The following SMYD3 variants were observed in gnomAD, a reference collection of about 807,000 sequenced individuals.
SMYD3 encodes the protein SET and MYND domain containing 3, also known as histone-lysine N-methyltransferase SMYD3.
In SMYD3, 36 loss-of-function variants were observed where a neutral mutation model predicts 57.7. The observed-to-expected ratio is 0.62, with a 90% CI of 0.48 to 0.82. The LOEUF is 0.82. Ranked by LOEUF, SMYD3 falls within the 40% of genes least tolerant of loss-of-function variation. SMYD3 has a pLI of 0.00. For missense variants in SMYD3, 515 were observed against 538.8 expected (o/e 0.96, Z 0.44); for synonymous variants, 211 against 195.0 (o/e 1.08, Z -0.68).
At chr1:246,303,023 C>T (rs2064919138) in intron 5 of SMYD3, among the ~76,000 whole-genome samples, 1 of 152,080 alleles carries the variant, frequency 6.6e-6, no homozygotes, top group South Asian at 2.1e-4. Flanking sequence ...TGCGGATATA[C>T]AGAAAAAGCA....
intron 10 of SMYD3, among the ~76,000 whole-genome samples, chr1:245,788,454 T>C (rs189594004): frequency 6.6e-6 from 1 of 152,328 alleles, no homozygotes; most frequent in East Asian, 1.9e-4. Context: ...TCATGCCTAC[T>C]AGGTTAAAGG....
chr1:245,907,499 CA>C, intron 8 of SMYD3, among the ~76,000 whole-genome samples: 1 of 152,058 alleles, frequency 6.6e-6, no homozygotes, highest in Non-Finnish European at 1.5e-5. Context: ...AGCAAAAGGA[CA>C]ATATTTGCCA....
At chr1:246,192,761 C>T (rs1277391089) in intron 5 of SMYD3, among the ~76,000 whole-genome samples, 1 of 151,962 alleles carries the variant, frequency 6.6e-6, no homozygotes. Context: ...AAATGTATCT[C>T]AATCCAACTA....
intron 10 of SMYD3, among the ~76,000 whole-genome samples, chr1:245,821,988 G>T (rs551003315): frequency 2.6e-3 from 403 of 152,156 alleles, no homozygotes; most frequent in African/African-American, 9.3e-3. Context: ...AGTCAGTGTG[G>T]CAATTCCTCA....
intron 5 of SMYD3, among the ~76,000 whole-genome samples, chr1:246,037,653 A>G (rs1266185275): frequency 6.6e-6 from 1 of 152,122 alleles, no homozygotes; most frequent in African/African-American, 2.4e-5. Context: ...AGCTTCCCAC[A>G]TTTGCAGGTC....
intron 5 of SMYD3, among the ~76,000 whole-genome samples, chr1:246,078,660 C>G (rs12039063): frequency 0.019 from 2,946 of 152,236 alleles, 138 homozygotes; most frequent in East Asian, 0.16. Context: ...ACTGCAAGCA[C>G]AGAAGCCATT....
intron 5 of SMYD3, among the ~76,000 whole-genome samples, chr1:246,180,141 C>G (rs942010544): frequency 6.7e-6 from 1 of 148,722 alleles, no homozygotes; most frequent in Non-Finnish European, 1.5e-5. Context: ...GATCCCATAT[C>G]TAATATATCT....
At chr1:245,768,952 A>AAACT (rs2046228698) in intron 10 of SMYD3, among the ~76,000 whole-genome samples, 1 of 152,242 alleles carries the variant, frequency 6.6e-6, no homozygotes, top group African/African-American at 2.4e-5. Context: ...GTAGCAGCAC[A>AAACT]AACTAAGTTA....
chr1:246,448,704 TAAAAAAAAAAAA>T (rs1553349829), intron 1 of SMYD3, among the ~76,000 whole-genome samples: 3 of 81,438 alleles, frequency 3.7e-5, no homozygotes, highest in Non-Finnish European at 6.8e-5. Flanking sequence ...CTCTTTTTTT[TAAAAAAAAAAAA>T]AAAAAAAAAA....
chr1:245,964,683 A>C (rs1004963820), intron 5 of SMYD3, among the ~76,000 whole-genome samples: 1 of 152,222 alleles, frequency 6.6e-6, no homozygotes, highest in Non-Finnish European at 1.5e-5. Flanking sequence ...ACAGACTTGA[A>C]TAATCCTTTT....
intron 5 of SMYD3, among the ~76,000 whole-genome samples, chr1:246,153,737 C>T (rs536695026): frequency 1.5e-4 from 23 of 152,244 alleles, no homozygotes; most frequent in African/African-American, 5.5e-4. Flanking sequence ...CTCCCAAAGC[C>T]TGGGATTACA....
rs183757211 is a variant in SMYD3 at position 245,987,420 on chromosome 1, C to A, written c.532-57483G>T. Among the ~76,000 whole-genome samples the A allele has an allele frequency of 3.4e-4, 51 of 152,062 alleles. 1 individual carries two copies. Among genetic ancestry groups the A allele is most frequent in the African/African-American group, 1.2e-3 (49 of 41,472 alleles). ...CCATTACTGTTTTGAGATAAATTAG[C>A]AAACACCAAAAATTAGAGGTAAAAA... On this transcript the variant is annotated intron_variant, in intron 5 of 11. Coordinates refer to ENST00000490107, the MANE Select transcript of SMYD3 (RefSeq NM_001167740.2).
intron 10 of SMYD3, among the ~76,000 whole-genome samples, chr1:245,811,003 T>C (rs2048439126): frequency 6.6e-6 from 1 of 152,180 alleles, no homozygotes; most frequent in South Asian, 2.1e-4. Context: ...TTTTCTCACC[T>C]CTCTCCAGGC....
chr1:246,173,970 C>G (rs146704364), intron 5 of SMYD3, among the ~76,000 whole-genome samples: 2 of 152,014 alleles, frequency 1.3e-5, no homozygotes, highest in Non-Finnish European at 1.5e-5. Context: ...CCACACCTGA[C>G]TATTTTTTAT....
chr1:246,478,072 T>C (rs1165610524), intron 1 of SMYD3, among the ~76,000 whole-genome samples: 1 of 151,802 alleles, frequency 6.6e-6, no homozygotes, highest in African/African-American at 2.4e-5. Context: ...AACAAACATC[T>C]GTTGAGGACC....
intron 1 of SMYD3, among the ~76,000 whole-genome samples, chr1:246,379,328 T>A (rs59615813): frequency 0.041 from 6,205 of 152,158 alleles, 427 homozygotes; most frequent in African/African-American, 0.14. Context: ...TTACTCATTA[T>A]CATCACGGTT....
At chr1:246,016,237 TAA>T (rs539956616) in intron 5 of SMYD3, among the ~76,000 whole-genome samples, 22 of 132,302 alleles carry the variant, frequency 1.7e-4, no homozygotes, top group Admixed American at 2.3e-4. Flanking sequence ...CCCCATCACT[TAA>T]AAAAAAAAAA....
chr1:246,470,059 A>G (rs954302462), intron 1 of SMYD3, among the ~76,000 whole-genome samples: 7 of 152,252 alleles, frequency 4.6e-5, no homozygotes, highest in African/African-American at 1.7e-4. Flanking sequence ...AACATCAGAC[A>G]AATCTAATTC....
chr1:246,183,534 G>C (rs2062586519), intron 5 of SMYD3, among the ~76,000 whole-genome samples: 1 of 151,402 alleles, frequency 6.6e-6, no homozygotes, highest in Admixed American at 6.6e-5. Context: ...TTTCCTACAA[G>C]ATAAAGAAAG....
Sources: allele counts gnomAD v4.1 joint callset (sites outside exome capture counted in the v4.1 genomes callset), GRCh38; gene constraint gnomAD v4.1.1; transcripts MANE v1.5; gene names NCBI Gene and HGNC (gene_info 2026-07-23, HGNC 2026-07-21).